The following PDE11A variants were observed in gnomAD, a reference collection of about 807,000 sequenced individuals.
The protein encoded by PDE11A is phosphodiesterase 11A.
Under a neutral mutation model 100.5 loss-of-function variants are expected in PDE11A, and 100 were observed. The ratio of observed to expected loss-of-function variants is 1.00; its 90% CI spans 0.85 to 1.18. The LOEUF (loss-of-function observed/expected upper bound fraction) is 1.18. Among genes scored for constraint, PDE11A ranks in the 50% most tolerant of loss-of-function variants. The probability of loss-of-function intolerance (pLI) is 0.00; values close to 1 mark genes in which losing one functional copy is unlikely to be tolerated. For synonymous variants in PDE11A, 381 were observed against 420.8 expected, an observed-to-expected ratio of 0.91 and a Z score of 1.16; for missense variants, 1,141 against 1,152.6, an observed-to-expected ratio of 0.99 and a Z score of 0.15.
chr2:177,869,543 T>C lies in PDE11A; in HGVS notation c.1367+6316A>G, dbSNP rs114858306. On this transcript the variant is annotated intron_variant, in intron 5 of 19. Transcript: ENST00000286063. ...CCTCAACTGGGAGAAGGCTCTGTTTTAAGGGTTCACATGATTACATCAGAC... is the reference window on the plus strand; with the variant it reads ...CCTCAACTGGGAGAAGGCTCTGTTTCAAGGGTTCACATGATTACATCAGAC... Among the ~76,000 whole-genome samples, 1,210 of 152,342 alleles carry C rather than the reference T, an allele frequency of 7.9e-3. 19 individuals are homozygous for C. Among genetic ancestry groups the C allele is most frequent in the African/African-American group, 0.027 (1,120 of 41,578 alleles).
At chr2:178,032,537 C>T (rs1176463880) in intron 1 of PDE11A, among the ~76,000 whole-genome samples, 1 of 151,462 alleles carries the variant, frequency 6.6e-6, no homozygotes, top group Non-Finnish European at 1.5e-5. Context: ...AGCAACAGTA[C>T]ACCAGCTCTG....
rs1333017745 is a variant in PDE11A at position 177,915,718 on chromosome 2, T to C, written c.1072-10531A>G. Among the ~76,000 whole-genome samples, 3 of 152,370 alleles carry C rather than the reference T, an allele frequency of 2.0e-5. No individual in the cohort carries two copies. In the East Asian group the frequency reaches 5.8e-4, roughly 29 times the overall value. On this transcript the variant is annotated intron_variant, in intron 2 of 19. Coordinates refer to ENST00000286063, the MANE Select transcript of PDE11A (RefSeq NM_016953.4). ...ACTCATTTGGATAAATATCCAGGAA[T>C]GCAATTGCTGGATTGCATGGTAAGC... is the stretch of plus-strand genomic sequence containing the variant.
At chr2:177,668,269 C>T (rs751401023) in intron 18 of PDE11A, among the ~76,000 whole-genome samples, 9 of 152,054 alleles carry the variant, frequency 5.9e-5, no homozygotes, top group Non-Finnish European at 1.3e-4. Flanking sequence ...TGTGGTATTG[C>T]TGCATTGTAA....
intron 6 of PDE11A, among the ~76,000 whole-genome samples, chr2:177,837,812 G>C (rs896242275): frequency 6.6e-6 from 1 of 152,122 alleles, no homozygotes; most frequent in African/African-American, 2.4e-5. Context: ...GTTACTTTTG[G>C]TAAAGTTCAA....
chr2:177,950,110 T>G (rs1451913273), intron 2 of PDE11A, among the ~76,000 whole-genome samples: 1 of 152,224 alleles, frequency 6.6e-6, no homozygotes, highest in Non-Finnish European at 1.5e-5. Context: ...ACAGCTACTT[T>G]CTTCTGACAC....
intron 13 of PDE11A, among the ~76,000 whole-genome samples, chr2:177,707,251 T>C (rs565795167): frequency 6.6e-6 from 1 of 152,330 alleles, no homozygotes; most frequent in South Asian, 2.1e-4. Flanking sequence ...AAAGAGTTGA[T>C]GTTGGTAAGG....
At chr2:177,703,691 C>T (rs1232550884) in intron 13 of PDE11A, among the ~76,000 whole-genome samples, 1 of 152,100 alleles carries the variant, frequency 6.6e-6, no homozygotes, top group Non-Finnish European at 1.5e-5. Flanking sequence ...TAACAGACTC[C>T]ACAAAAGCTG....
chr2:178,053,209 C>T (rs544838567), intron 1 of PDE11A, among the ~76,000 whole-genome samples: 6 of 152,310 alleles, frequency 3.9e-5, no homozygotes, highest in African/African-American at 1.2e-4. Flanking sequence ...GCTGGTTCAA[C>T]ATACACAAAT....
chr2:177,939,570 AG>A (rs2085322513), intron 2 of PDE11A, among the ~76,000 whole-genome samples: 1 of 150,460 alleles, frequency 6.6e-6, no homozygotes, highest in Admixed American at 6.6e-5. Context: ...GAAGGAAGGA[AG>A]GAAGGAAGGT....
In PDE11A at chr2:177,669,506, T is replaced by G; in HGVS notation, c.2549A>C (p.Lys850Thr). ...EQGDRERLEL[K>T]LTPSAIFDRN... Reference sequence around the variant, plus strand: ...GGATGAACTCACTGAAGGAGTGAGTTTGAGCTCTAATCTCTCCCGATCTCC... The same window carrying G: ...GGATGAACTCACTGAAGGAGTGAGTGTGAGCTCTAATCTCTCCCGATCTCC... Residue 850 changes from lysine to threonine, a missense_variant, in exon 18 of 20, where the codon AAA (lysine) becomes ACA (threonine). By Grantham distance (78) the Lys-to-Thr change is moderately conservative (BLOSUM62 -1). Transcript: ENST00000286063. 1 of 1,352,558 alleles carries G rather than the reference T, an allele frequency of 7.4e-7. No homozygotes were observed. The highest frequency in any genetic ancestry group is 1.1e-6 in the Non-Finnish European group (1 of 941,580). The allele number at this position is 1,352,558 out of a possible 1,614,324, so 83.8% of individuals were successfully genotyped here. A position where few individuals can be genotyped will look rare whatever the true frequency, so the allele number is the denominator to read the frequency against.
At chr2:177,929,361 AG>A (rs1559011150) in intron 2 of PDE11A, among the ~76,000 whole-genome samples, 2 of 152,226 alleles carry the variant, frequency 1.3e-5, no homozygotes, top group Non-Finnish European at 2.9e-5. Context: ...CAAAATGTTC[AG>A]GAACACTGAT....
chr2:177,802,353 G>C (rs917082533), intron 9 of PDE11A, among the ~76,000 whole-genome samples: 2 of 151,798 alleles, frequency 1.3e-5, no homozygotes, highest in Non-Finnish European at 2.9e-5. Flanking sequence ...AGTAATACTA[G>C]GTATTAGCCC....
At chr2:178,068,050 T>C (rs1333123414) in intron 1 of PDE11A, among the ~76,000 whole-genome samples, 1 of 152,214 alleles carries the variant, frequency 6.6e-6, no homozygotes, top group Non-Finnish European at 1.5e-5. Flanking sequence ...TTTAAAGTGC[T>C]ATATTCTGAA....
chr2:177,664,997 A>T (rs2080547033), intron 18 of PDE11A, among the ~76,000 whole-genome samples: 1 of 152,140 alleles, frequency 6.6e-6, no homozygotes, highest in South Asian at 2.1e-4. Context: ...CTAGCTGCCA[A>T]ATCTGAGGAA....
At chr2:177,864,350 C>T (rs2083994738) in intron 5 of PDE11A, among the ~76,000 whole-genome samples, 1 of 152,090 alleles carries the variant, frequency 6.6e-6, no homozygotes, top group Non-Finnish European at 1.5e-5. Flanking sequence ...AATTTAGCTG[C>T]TCTTGCAACA....
At chr2:177,946,083 C>G (rs2085422002) in intron 2 of PDE11A, among the ~76,000 whole-genome samples, 1 of 127,384 alleles carries the variant, frequency 7.9e-6, no homozygotes, top group Non-Finnish European at 1.7e-5. Context: ...GGCCAGCCGC[C>G]CCGTCCGGGA....
chr2:177,706,513 C>G (rs1304863481), intron 13 of PDE11A, among the ~76,000 whole-genome samples: 2 of 152,176 alleles, frequency 1.3e-5, no homozygotes, highest in Non-Finnish European at 2.9e-5. Flanking sequence ...CAATGGCACA[C>G]TCACTGAATA....
intron 15 of PDE11A, among the ~76,000 whole-genome samples, chr2:177,696,845 C>T (rs763784174): frequency 2.6e-5 from 4 of 152,050 alleles, no homozygotes; most frequent in Non-Finnish European, 5.9e-5. Context: ...TGGGAGGGTG[C>T]AATTTCCAGC....
At chr2:177,913,100 A>T (rs1227154357) in intron 2 of PDE11A, among the ~76,000 whole-genome samples, 1 of 152,356 alleles carries the variant, frequency 6.6e-6, no homozygotes, top group South Asian at 2.1e-4. Context: ...TGTGAATTTT[A>T]TGATATATAA....
Sources: allele counts gnomAD v4.1 joint callset (sites outside exome capture counted in the v4.1 genomes callset), GRCh38; gene constraint gnomAD v4.1.1; transcripts MANE v1.5; gene names NCBI Gene and HGNC (gene_info 2026-07-23, HGNC 2026-07-21).